BCOR: variants seen among roughly 807,000 people sequenced by gnomAD.
BCOR encodes BCL-6 corepressor.
A neutral mutation model predicts 86.7 loss-of-function variants in BCOR; 10 were observed. That is an observed-to-expected ratio of 0.12 (90% confidence interval 0.07 to 0.20). BCOR has a LOEUF of 0.20. Among genes scored for constraint, BCOR ranks in the 10% least tolerant of loss-of-function variants. The pLI is 1.00. For synonymous variants in BCOR, 611 were observed against 609.0 expected (o/e 1.00, Z -0.05); for missense variants, 1,259 against 1,452.1 (o/e 0.87, Z 2.16).
At chrX:40,153,413 G>A (rs1157178490) in intron 1 of BCOR, among the ~76,000 whole-genome samples, 1 of 112,158 alleles carries the variant, frequency 8.9e-6, no homozygotes. Context: ...CTGCCGTTCC[G>A]AGAGTGCCGG....
intron 1 of BCOR, among the ~76,000 whole-genome samples, chrX:40,113,439 C>T (rs1308991590): frequency 9.1e-6 from 1 of 109,724 alleles, no homozygotes; most frequent in African/African-American, 3.3e-5. Flanking sequence ...ATGTCACTAC[C>T]CCACTAGTTC....
At chrX:40,068,228 A>G (rs1935295323) in intron 6 of BCOR, 1 of 111,976 alleles carries the variant, frequency 8.9e-6, no homozygotes. Context: ...TGTTATAACC[A>G]CGCCCAGTAA....
intron 1 of BCOR, among the ~76,000 whole-genome samples, chrX:40,089,385 T>C (rs774171861): frequency 1.8e-5 from 2 of 111,689 alleles, no homozygotes; most frequent in Admixed American, 1.9e-4. Flanking sequence ...GGTCTAATTG[T>C]GCCATTTGAA....
At chrX:40,167,666 C>G in intron 1 of BCOR, among the ~76,000 whole-genome samples, 1 of 112,322 alleles carries the variant, frequency 8.9e-6, no homozygotes, top group East Asian at 2.8e-4. Context: ...GTCGTGACCG[C>G]CTCGCAGGCG....
At chrX:40,108,474 G>C (rs1177715226) in intron 1 of BCOR, among the ~76,000 whole-genome samples, 1 of 113,494 alleles carries the variant, frequency 8.8e-6, no homozygotes, top group Non-Finnish European at 1.9e-5. Flanking sequence ...AGCCGAGTCC[G>C]CGAGGCGAGC....
rs1232005822 is a variant in BCOR at position 40,087,754 on chromosome X, C to T, written c.-41+9461G>A. On this transcript the variant is annotated intron_variant, in intron 1 of 14. Transcript: ENST00000378444. ...CACCTCCATCCATTTTCCACCCTTT[C>T]GCCTGCTTAGAGTCCTGGTGCAAAG... is the stretch of plus-strand genomic sequence containing the variant. Among the ~76,000 whole-genome samples the T allele has an allele frequency of 2.1e-4, 24 of 112,241 alleles. No individual in the cohort carries two copies. In the Admixed American group the frequency reaches 2.3e-3, roughly 11 times the overall value.
At chrX:40,089,928 T>TC (rs1482485004) in intron 1 of BCOR, among the ~76,000 whole-genome samples, 3 of 110,654 alleles carry the variant, frequency 2.7e-5, no homozygotes. Flanking sequence ...CCACCCAGAG[T>TC]CCCCCACAAA....
At chrX:40,071,284 A>T in intron 5 of BCOR, 125 bp from the exon 6 acceptor site, 1 of 648,010 alleles carries the variant, frequency 1.5e-6, no homozygotes, top group Non-Finnish European at 2.3e-6. Context: ...ACAGCTTATG[A>T]GATGTAACTC....
At chrX:40,103,654 C>CT (rs1441686920) in intron 1 of BCOR, among the ~76,000 whole-genome samples, 1 of 99,361 alleles carries the variant, frequency 1.0e-5, no homozygotes, top group African/African-American at 5.2e-5. Context: ...GCCACCCTTG[C>CT]TTCCCCCGGG....
At chrX:40,125,780 A>G (rs1937531210) in intron 1 of BCOR, among the ~76,000 whole-genome samples, 1 of 112,400 alleles carries the variant, frequency 8.9e-6, no homozygotes, top group Non-Finnish European at 1.9e-5. Flanking sequence ...CTTGTTATGC[A>G]GCATTAGATA....
chrX:40,123,128 G>A (rs1232177402), intron 1 of BCOR, among the ~76,000 whole-genome samples: 1 of 111,329 alleles, frequency 9.0e-6, no homozygotes, highest in African/African-American at 3.3e-5. Context: ...ATGGGGATTA[G>A]AGATCTCCAT....
In BCOR at chrX:40,130,028, GAAA is replaced by G. The variant is rs768929486; in HGVS notation, c.-41+46976_-41+46978del. ...AACAGAGCGAGACTCCATCCAAAAA[GAAA>G]AAAAAGAAGAAGAACAGACTTCACC... On this transcript the variant is annotated intron_variant, in intron 1 of 14. Transcript: ENST00000342274. Among the ~76,000 whole-genome samples the G allele has an allele frequency of 2.5e-3, 277 of 110,045 alleles. 1 individual carries two copies. The highest frequency in any genetic ancestry group is 5.4e-3 in the Admixed American group (56 of 10,312).
At chrX:40,099,685 TG>T (rs777845269), upstream of BCOR, among the ~76,000 whole-genome samples, 7 of 112,493 alleles carry the variant, frequency 6.2e-5, no homozygotes, top group Non-Finnish European at 1.1e-4. Context: ...CTACTGACTG[TG>T]GGACTGGTAT....
chrX:40,152,657 C>CA lies in BCOR; in HGVS notation c.-41+24349dup, dbSNP rs1420871921. On this transcript the variant is annotated intron_variant, in intron 1 of 14. Coordinates refer to the BCOR transcript ENST00000342274. ...GCCTAGGGGAAGGGGGTCCCCACCCCACCCCCAGGCCACCCGGGCCCCGGA... is the reference window on the plus strand; with the variant it reads ...GCCTAGGGGAAGGGGGTCCCCACCCCAACCCCCAGGCCACCCGGGCCCCGGA... Among the ~76,000 whole-genome samples the CA allele has an allele frequency of 2.7e-5, 3 of 112,950 alleles. No homozygotes were observed. The East Asian group carries it at 8.4e-4, about 32-fold the overall frequency.
chrX:40,076,872 C>T (rs1569161591), intron 2 of BCOR: 2 of 328,889 alleles, frequency 6.1e-6, no homozygotes, highest in Non-Finnish European at 5.8e-6. Context: ...CTCGGCTGTC[C>T]CAGCCAACCC....
intron 1 of BCOR, among the ~76,000 whole-genome samples, chrX:40,126,727 C>T (rs1937549333): frequency 1.8e-5 from 2 of 109,143 alleles, no homozygotes; most frequent in African/African-American, 3.3e-5. Flanking sequence ...TGGTGGCGTG[C>T]GCCTGTGGTC....
intron 6 of BCOR, 45 bp from the exon 7 acceptor site, chrX:40,064,644 G>A (rs376506908): frequency 2.8e-5 from 33 of 1,197,280 alleles, no homozygotes; most frequent in African/African-American, 5.2e-5. Flanking sequence ...CCCGAAGGTC[G>A]CCATGAGAAG....
At chrX:40,127,100 T>C (rs1937553289) in intron 1 of BCOR, among the ~76,000 whole-genome samples, 1 of 112,065 alleles carries the variant, frequency 8.9e-6, no homozygotes, top group African/African-American at 3.2e-5. Context: ...GGAATCTCCA[T>C]CTCTTCCTCG....
chrX:40,072,130 G>A (rs746663790), intron 4 of BCOR: 26 of 440,635 alleles, frequency 5.9e-5, no homozygotes, highest in Non-Finnish European at 9.4e-5. Context: ...ATTGAGTGGA[G>A]TTCCCTTATA....
Sources: allele counts gnomAD v4.1 joint callset (sites outside exome capture counted in the v4.1 genomes callset), GRCh38; gene constraint gnomAD v4.1.1; transcripts MANE v1.5; gene names NCBI Gene and HGNC (gene_info 2026-07-23, HGNC 2026-07-21).